The following NAV2 variants were observed in gnomAD, a reference collection of about 807,000 sequenced individuals.
The protein encoded by NAV2 is neuron navigator 2.
NAV2 carries 54 observed loss-of-function variants against 223.2 expected under a neutral mutation model. The observed-to-expected ratio is 0.24, with a 90% CI of 0.19 to 0.30. The LOEUF is 0.30. NAV2 is among the 10% of genes least tolerant of loss of function. The pLI, the probability that NAV2 is intolerant of heterozygous loss-of-function variation, is 1.00. For missense variants in NAV2, 2,806 were observed against 3,147.5 expected, an observed-to-expected ratio of 0.89 and a Z score of 2.60; for synonymous variants, 1,279 against 1,239.3, an observed-to-expected ratio of 1.03 and a Z score of -0.67.
chr11:19,480,241 G>A (rs185382388), intron 1 of NAV2, among the ~76,000 whole-genome samples: 566 of 152,278 alleles, frequency 3.7e-3, no homozygotes, highest in Non-Finnish European at 6.3e-3. Flanking sequence ...CCCAGAGGAT[G>A]TAGTGTATCC....
chr11:19,945,616 T>A (rs1279792218), intron 8 of NAV2, among the ~76,000 whole-genome samples: 2 of 152,184 alleles, frequency 1.3e-5, no homozygotes, highest in Admixed American at 6.5e-5. Flanking sequence ...AATGCTGGGA[T>A]TATAGGCGTG....
intron 11 of NAV2, among the ~76,000 whole-genome samples, chr11:20,011,654 A>C (rs1478681272): frequency 6.6e-6 from 1 of 152,256 alleles, no homozygotes; most frequent in Admixed American, 6.5e-5. Flanking sequence ...GTGACTCTAT[A>C]GTCTTTAATT....
At chr11:19,362,063 C>G (rs758291652) in intron 1 of NAV2, among the ~76,000 whole-genome samples, 54 of 152,246 alleles carry the variant, frequency 3.5e-4, no homozygotes, top group Middle Eastern at 3.4e-3. Context: ...GGGAGATGGA[C>G]TAGCAATTGG....
At chr11:20,107,620 C>T (rs1178756418) in intron 35 of NAV2, 44 bp from the exon 36 acceptor site, 6 of 1,465,118 alleles carry the variant, frequency 4.1e-6, no homozygotes, top group Non-Finnish European at 3.8e-6. Flanking sequence ...GCCCCATCAC[C>T]CATGCCCATT....
intron 1 of NAV2, among the ~76,000 whole-genome samples, chr11:19,567,404 G>A (rs1162575024): frequency 3.9e-5 from 6 of 152,222 alleles, no homozygotes; most frequent in Admixed American, 3.9e-4. Flanking sequence ...AATGTATATG[G>A]TTCCCTGAAG....
At chr11:19,953,169 G>A (rs1172112421) in intron 10 of NAV2, among the ~76,000 whole-genome samples, 1 of 152,104 alleles carries the variant, frequency 6.6e-6, no homozygotes, top group Non-Finnish European at 1.5e-5. Context: ...GCACTGAGTT[G>A]TGTAATGTTC....
chr11:19,609,433 G>GGA (rs1181213052), intron 1 of NAV2, among the ~76,000 whole-genome samples: 1 of 152,132 alleles, frequency 6.6e-6, no homozygotes, highest in Non-Finnish European at 1.5e-5. Flanking sequence ...TCTGCAGAGG[G>GGA]GAGAGAGAGA....
intron 11 of NAV2, among the ~76,000 whole-genome samples, chr11:19,995,835 T>C (rs1008005477): frequency 2.6e-5 from 4 of 152,228 alleles, no homozygotes; most frequent in African/African-American, 7.2e-5. Flanking sequence ...TTTATTTTTT[T>C]TGGGTGCTTT....
chr11:19,436,524 G>GT (rs1216777680), intron 1 of NAV2, among the ~76,000 whole-genome samples: 2 of 151,650 alleles, frequency 1.3e-5, no homozygotes, highest in African/African-American at 2.4e-5. Context: ...ACCAAGCTTT[G>GT]TTTTTTTTCC....
intron 1 of NAV2, among the ~76,000 whole-genome samples, chr11:19,581,080 C>T (rs932903426): frequency 2.6e-5 from 4 of 152,184 alleles, no homozygotes; most frequent in Non-Finnish European, 5.9e-5. Context: ...TGTGAGATGT[C>T]TGTTCATGTC....
At chr11:19,524,548 GT>G (rs1034882840) in intron 1 of NAV2, among the ~76,000 whole-genome samples, 2 of 152,178 alleles carry the variant, frequency 1.3e-5, no homozygotes, top group Non-Finnish European at 2.9e-5. Context: ...CATGGTTGAT[GT>G]TTTCATTGAT....
intron 1 of NAV2, among the ~76,000 whole-genome samples, chr11:19,550,086 T>A (rs2044640671): frequency 6.6e-6 from 1 of 152,196 alleles, no homozygotes; most frequent in Non-Finnish European, 1.5e-5. Context: ...TAGATTGCCC[T>A]GGACTTTTTA....
intron 1 of NAV2, among the ~76,000 whole-genome samples, chr11:19,672,772 C>A (rs2048606533): frequency 6.6e-6 from 1 of 152,124 alleles, no homozygotes; most frequent in South Asian, 2.1e-4. Context: ...AGGTTGAGTG[C>A]CCTCTGTGTC....
chr11:19,617,155 C>T (rs1045551649), intron 1 of NAV2, among the ~76,000 whole-genome samples: 2 of 152,094 alleles, frequency 1.3e-5, no homozygotes, highest in African/African-American at 4.8e-5. Context: ...TCTTTTCTTT[C>T]TAGGAAAAGG....
At chr11:19,917,778 A>C (rs1022699719) in intron 6 of NAV2, among the ~76,000 whole-genome samples, 1 of 152,118 alleles carries the variant, frequency 6.6e-6, no homozygotes, top group African/African-American at 2.4e-5. Context: ...ACCCCTGGCT[A>C]ATTTTGTATT....
chr11:19,942,784 G>C (rs1565609319), intron 8 of NAV2, among the ~76,000 whole-genome samples: 2 of 152,164 alleles, frequency 1.3e-5, no homozygotes, highest in Non-Finnish European at 2.9e-5. Flanking sequence ...AGGAGTTTGA[G>C]ACTAGCCTGG....
At chr11:19,863,952 A>G (rs770978828) in intron 3 of NAV2, among the ~76,000 whole-genome samples, 14 of 152,214 alleles carry the variant, frequency 9.2e-5, no homozygotes, top group Non-Finnish European at 1.8e-4. Flanking sequence ...AAATAGCAAT[A>G]TCAGGTATGA....
intron 16 of NAV2, among the ~76,000 whole-genome samples, chr11:20,051,052 A>G (rs2057955899): frequency 6.6e-6 from 1 of 152,210 alleles, no homozygotes; most frequent in Non-Finnish European, 1.5e-5. Context: ...TAAGGGACTC[A>G]GGCCTCCTGG....
chr11:20,016,974 C>T (rs1591673881), intron 11 of NAV2, among the ~76,000 whole-genome samples: 1 of 152,036 alleles, frequency 6.6e-6, no homozygotes, highest in East Asian at 1.9e-4. Context: ...CCACTGCACT[C>T]CAGCCTAAAC....
Sources: allele counts gnomAD v4.1 joint callset (sites outside exome capture counted in the v4.1 genomes callset), GRCh38; gene constraint gnomAD v4.1.1; transcripts MANE v1.5; gene names NCBI Gene and HGNC (gene_info 2026-07-23, HGNC 2026-07-21).